Variants in ADGRL3 observed in about 807,000 individuals in gnomAD.
ADGRL3 encodes adhesion G protein-coupled receptor L3, also known as calcium-independent alpha-latrotoxin receptor 3.
A neutral mutation model predicts 153.5 loss-of-function variants in ADGRL3; 62 were observed. The observed-to-expected ratio is 0.40, with a 90% CI of 0.33 to 0.50. ADGRL3 has a LOEUF of 0.50. Ranked by LOEUF, ADGRL3 falls within the 20% of genes least tolerant of loss-of-function variation. ADGRL3 has a pLI of 0.47. For synonymous variants in ADGRL3, 710 were observed against 672.5 expected (o/e 1.06, Z -0.86); for missense variants, 1,641 against 1,859.4 (o/e 0.88, Z 2.16).
At chr4:62,044,870 T>C (rs1423386829) in intron 25 of ADGRL3, among the ~76,000 whole-genome samples, 1 of 152,058 alleles carries the variant, frequency 6.6e-6, no homozygotes, top group African/African-American at 2.4e-5. Flanking sequence ...GGCTGTATAG[T>C]CGGCTAAGCA....
intron 4 of ADGRL3, among the ~76,000 whole-genome samples, chr4:61,548,625 A>G (rs1244790687): frequency 2.6e-5 from 4 of 151,780 alleles, no homozygotes; most frequent in Non-Finnish European, 5.9e-5. Context: ...ATTTTGTTCC[A>G]CTGGTCTATT....
chr4:61,481,325 A>G (rs1243867074), intron 2 of ADGRL3, among the ~76,000 whole-genome samples: 2 of 152,290 alleles, frequency 1.3e-5, no homozygotes, highest in East Asian at 1.9e-4. Context: ...ATAGTGTGTG[A>G]TATCTGAGGA....
chr4:61,285,887 TC>T (rs1478312885), intron 1 of ADGRL3, among the ~76,000 whole-genome samples: 2 of 151,732 alleles, frequency 1.3e-5, no homozygotes, highest in Non-Finnish European at 3.0e-5. Context: ...TACTTTTTTT[TC>T]CCCTCCAACT....
chr4:61,971,161 TTTA>T (rs1187021521), intron 17 of ADGRL3, among the ~76,000 whole-genome samples: 4 of 151,664 alleles, frequency 2.6e-5, no homozygotes, highest in Non-Finnish European at 5.9e-5. Flanking sequence ...TATTTATTTA[TTTA>T]TTATTATTAT....
intron 2 of ADGRL3, among the ~76,000 whole-genome samples, chr4:61,438,689 A>T (rs543561404): frequency 6.8e-6 from 1 of 147,036 alleles, no homozygotes; most frequent in African/African-American, 2.5e-5. Flanking sequence ...GCAGAGTCAT[A>T]CTATGCTACG....
At chr4:61,817,390 G>A (rs1406188231) in intron 9 of ADGRL3, among the ~76,000 whole-genome samples, 1 of 151,946 alleles carries the variant, frequency 6.6e-6, no homozygotes, top group Non-Finnish European at 1.5e-5. Flanking sequence ...GGACCAATTG[G>A]CATGCACTTC....
At chr4:61,829,680 T>G (rs994444226) in intron 9 of ADGRL3, among the ~76,000 whole-genome samples, 5 of 152,220 alleles carry the variant, frequency 3.3e-5, no homozygotes, top group African/African-American at 1.2e-4. Flanking sequence ...TTTCATGTTA[T>G]GTGTTTTTTA....
intron 1 of ADGRL3, among the ~76,000 whole-genome samples, chr4:61,329,818 C>G (rs1560480984): frequency 1.3e-5 from 2 of 152,094 alleles, no homozygotes; most frequent in Non-Finnish European, 2.9e-5. Flanking sequence ...GAATAACTGT[C>G]TTATTCAAAG....
At chr4:61,583,768 C>A in intron 4 of ADGRL3, 1 of 517,626 alleles carries the variant, frequency 1.9e-6, no homozygotes. Context: ...CCAATTTATT[C>A]AGCAGATATC....
chr4:61,450,263 T>TA (rs1370609787), intron 2 of ADGRL3, among the ~76,000 whole-genome samples: 15 of 152,328 alleles, frequency 9.8e-5, no homozygotes, highest in Non-Finnish European at 8.8e-5. Context: ...ACTATAGTTT[T>TA]AAAAATCCCT....
At chr4:61,854,372 A>C (rs2098240246) in intron 9 of ADGRL3, among the ~76,000 whole-genome samples, 1 of 152,202 alleles carries the variant, frequency 6.6e-6, no homozygotes, top group South Asian at 2.1e-4. Flanking sequence ...ATCTTGTAGC[A>C]CCAAAAGTAA....
chr4:61,742,519 A>G (rs1043294875), intron 8 of ADGRL3, among the ~76,000 whole-genome samples: 6 of 151,996 alleles, frequency 3.9e-5, no homozygotes, highest in Non-Finnish European at 8.8e-5. Flanking sequence ...TGACCTCATG[A>G]TCCACCCATC....
chr4:61,573,485 T>C (rs1327512232), intron 4 of ADGRL3, among the ~76,000 whole-genome samples: 2 of 152,086 alleles, frequency 1.3e-5, no homozygotes, highest in African/African-American at 2.4e-5. Flanking sequence ...AGAACATATA[T>C]CTAATTTCTA....
intron 4 of ADGRL3, among the ~76,000 whole-genome samples, chr4:61,524,659 T>C (rs543664342): frequency 1.2e-4 from 19 of 152,168 alleles, no homozygotes; most frequent in African/African-American, 3.1e-4. Context: ...ATCTCTAAAG[T>C]GTGATATAAA....
intron 2 of ADGRL3, among the ~76,000 whole-genome samples, chr4:61,450,553 T>TA (rs2097661234): frequency 6.6e-6 from 1 of 152,200 alleles, no homozygotes; most frequent in African/African-American, 2.4e-5. Context: ...TATAGTTTGC[T>TA]TTAAGACTAT....
At chr4:61,654,719 A>C (rs780090029) in intron 5 of ADGRL3, among the ~76,000 whole-genome samples, 3 of 152,042 alleles carry the variant, frequency 2.0e-5, no homozygotes, top group Non-Finnish European at 2.9e-5. Flanking sequence ...CAAGATGGTG[A>C]AACCCCATCT....
intron 5 of ADGRL3, among the ~76,000 whole-genome samples, chr4:61,590,800 A>G (rs2098966122): frequency 6.6e-6 from 1 of 152,172 alleles, no homozygotes; most frequent in African/African-American, 2.4e-5. Flanking sequence ...TGGCAGCATT[A>G]GTGGAACCAG....
intron 4 of ADGRL3, among the ~76,000 whole-genome samples, chr4:61,554,548 C>G (rs2098756656): frequency 6.6e-6 from 1 of 151,904 alleles, no homozygotes; most frequent in Non-Finnish European, 1.5e-5. Flanking sequence ...GCTTTCTTAC[C>G]ACTATCTGTG....
intron 6 of ADGRL3, among the ~76,000 whole-genome samples, chr4:61,679,756 A>C (rs1450348797): frequency 6.6e-6 from 1 of 152,054 alleles, no homozygotes; most frequent in Non-Finnish European, 1.5e-5. Flanking sequence ...AATGGCAAAG[A>C]TTAGATTTGG....
Sources: gnomAD v4.1 joint callset for allele counts (sites outside exome capture counted in the v4.1 genomes callset) on GRCh38, gnomAD v4.1.1 for gene constraint, MANE v1.5 for transcripts, NCBI Gene and HGNC (gene_info 2026-07-23, HGNC 2026-07-21) for gene names.